WWP1: variants seen among roughly 807,000 people sequenced by gnomAD.
WWP1 encodes the protein NEDD4-like E3 ubiquitin-protein ligase WWP1.
A neutral mutation model predicts 130.6 loss-of-function variants in WWP1; 49 were observed. That is an observed-to-expected ratio of 0.38 (90% CI 0.30 to 0.48). The LOEUF (loss-of-function observed/expected upper bound fraction) is 0.48, where lower values mean the gene tolerates loss of function less well. WWP1 is among the 20% of genes least tolerant of loss of function. WWP1 has a pLI of 0.99. For missense variants in WWP1, 809 were observed against 1,100.6 expected (o/e 0.74, Z 3.75); for synonymous variants, 332 against 367.8 (o/e 0.90, Z 1.11).
In WWP1 at chr8:86,361,944, A is replaced by G. The variant is rs1823625502; in HGVS notation, c.-114-6995A>G. Among the ~76,000 whole-genome samples the G allele has an allele frequency of 2.7e-5, 4 of 148,440 alleles. No homozygotes were observed. The South Asian group carries it at 8.5e-4, about 31-fold the overall frequency. ...CTTTTATATTTCTAGTGTTTAATAT[A>G]TTACCTGAAAATATGCCTAGTGTGT... On this transcript the variant is annotated intron_variant, in intron 1 of 24. Coordinates refer to ENST00000517970, the MANE Select transcript of WWP1 (RefSeq NM_007013.4).
intron 1 of WWP1, among the ~76,000 whole-genome samples, chr8:86,366,907 T>A (rs1200038767): frequency 6.6e-6 from 1 of 152,198 alleles, no homozygotes; most frequent in Non-Finnish European, 1.5e-5. Context: ...ATAATTTAAT[T>A]TAAAATTAAG....
rs1822281129 is a variant in WWP1, at chr8:86,342,839, T to G, written c.-206T>G. 2.7e-6 allele frequency: 1 copy of G among 366,674 alleles called. No individual in the cohort carries two copies. The highest frequency in any genetic ancestry group is 4.9e-6 in the Non-Finnish European group (1 of 205,460). The allele number at this position is 366,674 out of a possible 1,614,324, so 22.7% of individuals were successfully genotyped here. On this transcript the variant is annotated 5_prime_UTR_variant, in exon 1 of 25. Coordinates refer to ENST00000517970, the MANE Select transcript of WWP1 (RefSeq NM_007013.4). ...CGCCGCGCCTGCTGCGAGATGGCGA[T>G]CTTGGGCGCGGAAGGGTGAGGGCGC...
At chr8:86,430,672 T>C in intron 11 of WWP1, 25 bp from the exon 12 acceptor site, 1 of 1,572,320 alleles carries the variant, frequency 6.4e-7, no homozygotes, top group Non-Finnish European at 8.6e-7. Context: ...ATTTTATTTC[T>C]CTCCCTAATC....
chr8:86,350,126 C>A (rs1280710131), intron 1 of WWP1, among the ~76,000 whole-genome samples: 1 of 152,084 alleles, frequency 6.6e-6, no homozygotes, highest in Admixed American at 6.5e-5. Flanking sequence ...AATGGTAATC[C>A]TCTCTTATGG....
At chr8:86,411,927 C>T (rs950690058) in intron 9 of WWP1, 53 bp downstream of exon 9, 1 of 1,466,854 alleles carries the variant, frequency 6.8e-7, no homozygotes, top group Non-Finnish European at 9.2e-7. Context: ...ACTCTGTTAA[C>T]ATACGATTAT....
At chr8:86,461,555 G>T in intron 23 of WWP1, 1 of 625,128 alleles carries the variant, frequency 1.6e-6, no homozygotes, top group Non-Finnish European at 2.9e-6. Flanking sequence ...ACTGTGAAGG[G>T]AGCGACATTC....
chr8:86,422,737 C>T lies in WWP1; in HGVS notation c.1062-2486C>T, dbSNP rs546983149. On this transcript the variant is annotated intron_variant, in intron 9 of 24. Transcript: ENST00000517970. ...ATTAAGAAGACTAAAGAGAAATTAACGGGAATCACAGAAGAAAAAATGAGA... is the reference window on the plus strand; with the variant it reads ...ATTAAGAAGACTAAAGAGAAATTAATGGGAATCACAGAAGAAAAAATGAGA... Among the ~76,000 whole-genome samples, 16 of 151,786 alleles carry T rather than the reference C, an allele frequency of 1.1e-4. No homozygotes were observed. In the South Asian group the frequency reaches 1.5e-3, roughly 14 times the overall value.
At chr8:86,410,190 C>T (rs1294095000) in intron 8 of WWP1, among the ~76,000 whole-genome samples, 1 of 152,148 alleles carries the variant, frequency 6.6e-6, no homozygotes, top group Non-Finnish European at 1.5e-5. Context: ...TTAGGACACT[C>T]CTTTTCACTT....
At chr8:86,417,576 CG>C (rs1228651969) in intron 9 of WWP1, among the ~76,000 whole-genome samples, 1 of 152,106 alleles carries the variant, frequency 6.6e-6, no homozygotes, top group Non-Finnish European at 1.5e-5. Flanking sequence ...GTGCTTGGAA[CG>C]TAAGTGCTTA....
At chr8:86,357,337 T>G (rs1327844101) in intron 1 of WWP1, among the ~76,000 whole-genome samples, 3 of 152,216 alleles carry the variant, frequency 2.0e-5, no homozygotes, top group African/African-American at 7.2e-5. Flanking sequence ...GTCTTTACAC[T>G]TTTTTCTTTT....
At chr8:86,461,876 G>T in intron 24 of WWP1, 30 bp downstream of exon 24, 1 of 1,542,430 alleles carries the variant, frequency 6.5e-7, no homozygotes, top group South Asian at 1.1e-5. Context: ...ATACGAAGGT[G>T]AAAGCCACAG....
intron 1 of WWP1, among the ~76,000 whole-genome samples, chr8:86,349,618 AAAGTGC>A (rs1182144015): frequency 6.6e-6 from 1 of 152,198 alleles, no homozygotes; most frequent in African/African-American, 2.4e-5. Context: ...CTGAGTCTAA[AAAGTGC>A]AAATGACAGC....
chr8:86,433,792 C>T (rs969583421), intron 14 of WWP1, among the ~76,000 whole-genome samples: 1 of 152,122 alleles, frequency 6.6e-6, no homozygotes, highest in African/African-American at 2.4e-5. Flanking sequence ...ATGGCGTGTG[C>T]CTGTAATCCC....
chr8:86,467,133 G>C lies in WWP1; in HGVS notation c.*240G>C, dbSNP rs779942241. The C allele has an allele frequency of 5.6e-6, 2 of 358,990 alleles. No homozygotes were observed. Among genetic ancestry groups the C allele is most frequent in the South Asian group, 4.0e-5 (1 of 25,208 alleles). 22.2% of individuals were successfully genotyped at this position (358,990 alleles called of 1,614,324 possible). A position where few individuals can be genotyped will look rare whatever the true frequency, so the allele number is the denominator to read the frequency against. ...TCCTTAAATTTTGAAGCAAGTGAGA[G>C]ACTTTATTAAAAATACATATATATC... is the stretch of plus-strand genomic sequence containing the variant. On this transcript the variant is annotated 3_prime_UTR_variant, in exon 25 of 25. Coordinates refer to ENST00000517970, the MANE Select transcript of WWP1 (RefSeq NM_007013.4).
At chr8:86,396,613 A>G (rs1807687353) in intron 5 of WWP1, among the ~76,000 whole-genome samples, 1 of 137,992 alleles carries the variant, frequency 7.2e-6, no homozygotes, top group Non-Finnish European at 1.5e-5. Context: ...TTCTTTTTTC[A>G]GACAGGGTCT....
At chr8:86,465,249 A>G (rs1039328679) in intron 24 of WWP1, among the ~76,000 whole-genome samples, 1 of 152,170 alleles carries the variant, frequency 6.6e-6, no homozygotes. Context: ...CTCCCCACCC[A>G]TAGCAACTCG....
At chr8:86,386,457 C>T (rs551128879) in intron 5 of WWP1, among the ~76,000 whole-genome samples, 4 of 125,692 alleles carry the variant, frequency 3.2e-5, no homozygotes, top group East Asian at 2.7e-4. Flanking sequence ...CCTTCCTTTC[C>T]TCCTCGTTCT....
intron 10 of WWP1, 104 bp from the exon 11 acceptor site, chr8:86,427,539 T>G: frequency 1.6e-6 from 2 of 1,229,844 alleles, no homozygotes; most frequent in Non-Finnish European, 2.2e-6. Flanking sequence ...GTTTTAGTTA[T>G]TTTAACATGT....
chr8:86,403,475 A>G (rs1808112596), intron 8 of WWP1, among the ~76,000 whole-genome samples: 1 of 151,964 alleles, frequency 6.6e-6, no homozygotes, highest in Non-Finnish European at 1.5e-5. Flanking sequence ...TTGTATTTTT[A>G]GTAGAGATAG....
Sources: gnomAD v4.1 joint callset for allele counts (sites outside exome capture counted in the v4.1 genomes callset) on GRCh38, gnomAD v4.1.1 for gene constraint, MANE v1.5 for transcripts, NCBI Gene and HGNC (gene_info 2026-07-23, HGNC 2026-07-21) for gene names.